Variants in ARID1B observed in about 807,000 individuals in gnomAD.
ARID1B encodes AT-rich interactive domain-containing protein 1B.
Under a neutral mutation model 212.3 loss-of-function variants are expected in ARID1B, and 30 were observed. The ratio of observed to expected loss-of-function variants is 0.14; its 90% CI spans 0.11 to 0.19. The LOEUF is 0.19. Ranked by LOEUF, ARID1B falls within the 10% of genes least tolerant of loss-of-function variation. The pLI is 1.00. For missense variants in ARID1B, 2,891 were observed against 3,204.0 expected (o/e 0.90, Z 2.36); for synonymous variants, 1,402 against 1,301.7 (o/e 1.08, Z -1.66).
At chr6:156,866,005 C>T (rs562655025) in intron 2 of ARID1B, among the ~76,000 whole-genome samples, 2 of 152,154 alleles carry the variant, frequency 1.3e-5, no homozygotes, top group South Asian at 4.2e-4. Flanking sequence ...AAGTCTTTCC[C>T]CAAGTAATTA....
At chr6:156,918,270 G>A (rs1790515933) in intron 3 of ARID1B, among the ~76,000 whole-genome samples, 1 of 152,014 alleles carries the variant, frequency 6.6e-6, no homozygotes, top group Non-Finnish European at 1.5e-5. Context: ...TTTATATTAT[G>A]CAAATCTGTT....
At chr6:156,930,641 C>T (rs76670975) in intron 3 of ARID1B, among the ~76,000 whole-genome samples, 2,361 of 152,144 alleles carry the variant, frequency 0.016, 24 homozygotes, top group Non-Finnish European at 0.021. Context: ...CTGGAAACAA[C>T]CTAAATGTAC....
rs146155107 is a variant in ARID1B at position 156,807,294 on chromosome 6, T to C, written c.1792-21933T>C. Among the ~76,000 whole-genome samples, 139 of 152,238 alleles carry C rather than the reference T, an allele frequency of 9.1e-4. 1 individual carries two copies. The East Asian group carries it at 0.024, about 26-fold the overall frequency. ...CGGATCACGTGGTGTCGGAAACGCC[T>C]TAAGCAAGAAGCTTGCATGTCAGAA... On this transcript the variant is annotated intron_variant, in intron 1 of 19. Coordinates refer to ENST00000636930, the MANE Select transcript of ARID1B (RefSeq NM_001374828.1).
At chr6:156,891,291 T>C (rs1787901828) in intron 2 of ARID1B, among the ~76,000 whole-genome samples, 1 of 152,220 alleles carries the variant, frequency 6.6e-6, no homozygotes, top group African/African-American at 2.4e-5. Flanking sequence ...CTTAAGATTT[T>C]TCTTCTGCTT....
At chr6:156,776,111 ATACTC>A (rs1339679454), upstream of ARID1B, among the ~76,000 whole-genome samples, 2 of 152,246 alleles carry the variant, frequency 1.3e-5, no homozygotes, top group African/African-American at 4.8e-5. Context: ...TTGGAAAACT[ATACTC>A]TACCAAAACC....
intron 3 of ARID1B, among the ~76,000 whole-genome samples, chr6:156,933,272 CTG>C (rs939212135): frequency 9.2e-5 from 14 of 152,214 alleles, no homozygotes; most frequent in African/African-American, 3.1e-4. Flanking sequence ...TGGGCAGACA[CTG>C]TGTGCACGTG....
chr6:156,988,455 C>T (rs1288722658), intron 4 of ARID1B, among the ~76,000 whole-genome samples: 3 of 152,072 alleles, frequency 2.0e-5, no homozygotes, highest in African/African-American at 4.8e-5. Flanking sequence ...AGGGGAGGAA[C>T]GGCTAGTGCA....
chr6:157,104,750 A>G (rs1445864575), intron 5 of ARID1B, among the ~76,000 whole-genome samples: 1 of 152,220 alleles, frequency 6.6e-6, no homozygotes, highest in Non-Finnish European at 1.5e-5. Context: ...AGCAAATGAA[A>G]GATGTCTCTT....
chr6:157,039,616 A>ACCTTCCTTCCTT (rs1368853614), intron 4 of ARID1B, among the ~76,000 whole-genome samples: 6 of 123,208 alleles, frequency 4.9e-5, no homozygotes, highest in African/African-American at 2.0e-4. Flanking sequence ...AAAGCTACCT[A>ACCTTCCTTCCTT]CCTTCCTTCC....
chr6:157,194,079 T>C (rs1793562270), intron 15 of ARID1B: 1 of 152,270 alleles, frequency 6.6e-6, no homozygotes, highest in African/African-American at 2.4e-5. Flanking sequence ...ATTCCATTAT[T>C]AGTGAACTCA....
At position 156,932,078 on chromosome 6, in the gene ARID1B, G is replaced by C. The variant is rs186497934; in HGVS notation, c.2137-3388G>C. ...GAGAATTGCTTGAGCCTGGGAGTTAGAGGCTACAGTGAGCTATGATTAGGC... is the reference window on the plus strand; with the variant it reads ...GAGAATTGCTTGAGCCTGGGAGTTACAGGCTACAGTGAGCTATGATTAGGC... On this transcript the variant is annotated intron_variant, in intron 3 of 19. Transcript: ENST00000636930. Among the ~76,000 whole-genome samples the C allele has an allele frequency of 2.4e-3, 327 of 135,414 alleles. 2 individuals are homozygous for C. Among genetic ancestry groups the C allele is most frequent in the Non-Finnish European group, 4.0e-3 (257 of 64,710 alleles). The allele number at this position is 135,414 out of a possible 152,430, so 88.8% of individuals were successfully genotyped here.
chr6:157,086,378 T>C (rs1338007210), intron 5 of ARID1B, among the ~76,000 whole-genome samples: 2 of 152,232 alleles, frequency 1.3e-5, no homozygotes, highest in Non-Finnish European at 1.5e-5. Context: ...TTTTTAATGC[T>C]ATGAATACTC....
At chr6:156,871,757 G>A in intron 2 of ARID1B, 1 of 1,340,918 alleles carries the variant, frequency 7.5e-7, no homozygotes, top group Non-Finnish European at 1.0e-6. Context: ...GCAGGAACAG[G>A]GGCTTCTTAG....
At chr6:157,199,528 A>C (rs957769803) in intron 17 of ARID1B, among the ~76,000 whole-genome samples, 1 of 151,456 alleles carries the variant, frequency 6.6e-6, no homozygotes, top group Admixed American at 6.6e-5. Flanking sequence ...GTTTTTAAAA[A>C]ACTTTTCAGA....
intron 1 of ARID1B, among the ~76,000 whole-genome samples, chr6:156,810,170 G>T (rs1308472082): frequency 6.6e-6 from 1 of 152,172 alleles, no homozygotes; most frequent in Non-Finnish European, 1.5e-5. Context: ...CTTATTTTCA[G>T]TTCACTATTT....
At chr6:157,194,600 C>T (rs2128350348) in intron 15 of ARID1B, 1 of 152,336 alleles carries the variant, frequency 6.6e-6, no homozygotes, top group South Asian at 2.1e-4. Context: ...CATGTACTAC[C>T]TACTTGTCAC....
chr6:157,124,216 G>A (rs1376402399), intron 6 of ARID1B, among the ~76,000 whole-genome samples: 1 of 152,216 alleles, frequency 6.6e-6, no homozygotes. Context: ...CTTTTGTAAA[G>A]TAAGAGCAAA....
intron 4 of ARID1B, among the ~76,000 whole-genome samples, chr6:157,033,766 A>T (rs1272344163): frequency 6.6e-6 from 1 of 152,204 alleles, no homozygotes; most frequent in Admixed American, 6.5e-5. Flanking sequence ...TTCTCTACAA[A>T]TGGAATCCTT....
chr6:157,045,105 T>G (rs1303145641), intron 4 of ARID1B, among the ~76,000 whole-genome samples: 1 of 152,184 alleles, frequency 6.6e-6, no homozygotes, highest in Non-Finnish European at 1.5e-5. Flanking sequence ...GCAGAGGGGA[T>G]GTTCTGCTTA....
Sources: gnomAD v4.1 joint callset for allele counts (sites outside exome capture counted in the v4.1 genomes callset) on GRCh38, gnomAD v4.1.1 for gene constraint, MANE v1.5 for transcripts, NCBI Gene and HGNC (gene_info 2026-07-23, HGNC 2026-07-21) for gene names.